The following DISC1 variants were observed in gnomAD, a reference collection of about 807,000 sequenced individuals.
DISC1 encodes the protein disrupted in schizophrenia 1 protein.
DISC1 carries 57 observed loss-of-function variants against 84.5 expected under a neutral mutation model. The observed-to-expected ratio is 0.67, with a 90% CI of 0.55 to 0.84. The LOEUF (loss-of-function observed/expected upper bound fraction) is 0.84. Ranked by LOEUF, DISC1 falls within the 40% of genes least tolerant of loss-of-function variation. The pLI, the probability that DISC1 is intolerant of heterozygous loss-of-function variation, is 0.00. For synonymous variants in DISC1, 411 were observed against 415.2 expected (o/e 0.99, Z 0.12); for missense variants, 1,000 against 1,057.8 (o/e 0.95, Z 0.76).
chr1:231,875,329 G>GAGCCACC (rs988873543), intron 9 of DISC1, among the ~76,000 whole-genome samples: 3 of 151,852 alleles, frequency 2.0e-5, no homozygotes, highest in Non-Finnish European at 4.4e-5. Flanking sequence ...AAGGGGACAT[G>GAGCCACC]AGCCACCAGC....
At chr1:231,654,446 CGTGTGTGTGTGGTATGAAATTTTT>C (rs1401600145) in intron 1 of DISC1, among the ~76,000 whole-genome samples, 10 of 151,786 alleles carry the variant, frequency 6.6e-5, no homozygotes, top group Non-Finnish European at 1.5e-4. Flanking sequence ...CATCATTTCA[CGTGTGTGTGTGGTATGAAATTTTT>C]GTGTGTGTGT....
intron 10 of DISC1, among the ~76,000 whole-genome samples, chr1:231,989,967 C>G (rs925056422): frequency 3.3e-5 from 5 of 152,166 alleles, no homozygotes; most frequent in Non-Finnish European, 4.4e-5. Context: ...GAGGGCATCT[C>G]CCTGTGCTTC....
rs1337618202 is a variant in DISC1, at chr1:231,755,005, C to CA, written c.1268+4931dup. Among the ~76,000 whole-genome samples the CA allele has an allele frequency of 6.6e-5, 10 of 152,266 alleles. No homozygotes were observed. In the South Asian group the frequency reaches 2.1e-3, roughly 32 times the overall value. On this transcript the variant is annotated intron_variant, in intron 4 of 12. Transcript: ENST00000439617. Reference sequence around the variant, plus strand: ...CTCCTCAAATATCTACCAAAGTCAGCAATGACTTTCTATTTGCTAAATTAA... The same window carrying CA: ...CTCCTCAAATATCTACCAAAGTCAGCAAATGACTTTCTATTTGCTAAATTAA...
intron 3 of DISC1, among the ~76,000 whole-genome samples, chr1:231,730,545 A>G (rs921171927): frequency 6.6e-6 from 1 of 152,184 alleles, no homozygotes; most frequent in Non-Finnish European, 1.5e-5. Context: ...TAGTTAGTGA[A>G]CATAGCACCC....
chr1:231,855,426 G>T, intron 9 of DISC1: 2 of 985,204 alleles, frequency 2.0e-6, no homozygotes, highest in Non-Finnish European at 2.4e-6. Context: ...TTCCCCATTT[G>T]ATGCAAGCAG....
At chr1:231,987,336 C>G (rs990365349) in intron 10 of DISC1, among the ~76,000 whole-genome samples, 1 of 152,218 alleles carries the variant, frequency 6.6e-6, no homozygotes, top group Non-Finnish European at 1.5e-5. Context: ...AGTCACATTG[C>G]CTTCATCGTC....
chr1:231,952,063 A>G (rs1293169012), intron 9 of DISC1, among the ~76,000 whole-genome samples: 2 of 144,920 alleles, frequency 1.4e-5, no homozygotes, highest in African/African-American at 5.2e-5. Context: ...AGCCTGGGTG[A>G]CAGAGCAAGA....
intron 1 of DISC1, among the ~76,000 whole-genome samples, chr1:231,684,482 T>G (rs112030621): frequency 6.6e-6 from 1 of 152,106 alleles, no homozygotes. Context: ...TATAATTGCA[T>G]GCATTTTTTC....
At chr1:231,879,855 G>A (rs1471922091) in intron 9 of DISC1, among the ~76,000 whole-genome samples, 2 of 152,174 alleles carry the variant, frequency 1.3e-5, no homozygotes, top group Admixed American at 6.5e-5. Context: ...AATTTGAGGT[G>A]CATTAGCTAT....
chr1:231,822,084 TG>T, intron 9 of DISC1, among the ~76,000 whole-genome samples: 1 of 152,316 alleles, frequency 6.6e-6, no homozygotes, highest in Admixed American at 6.5e-5. Context: ...ATTGGTAATC[TG>T]TATTGTACTT....
At chr1:231,819,149 T>C (rs757934864) in intron 9 of DISC1, 1 of 985,226 alleles carries the variant, frequency 1.0e-6, no homozygotes, top group Non-Finnish European at 1.2e-6. Context: ...CAAATTGAGA[T>C]GGTAAAAACT....
In DISC1 at chr1:231,673,468, T is replaced by C. The variant is rs113883628; in HGVS notation, c.68-20358T>C. Among the ~76,000 whole-genome samples, 596 of 152,244 alleles carry C rather than the reference T, an allele frequency of 3.9e-3. 7 individuals are homozygous for C. The highest frequency in any genetic ancestry group is 0.013 in the African/African-American group (559 of 41,564). On this transcript the variant is annotated intron_variant, in intron 1 of 12. Coordinates refer to ENST00000439617, the MANE Select transcript of DISC1 (RefSeq NM_018662.3). ...TCAGCCTCTTGAGTAGCTGGGACTA[T>C]AGGTAGGCGCCACCACATCTGGCTT...
intron 12 of DISC1, among the ~76,000 whole-genome samples, chr1:232,036,055 C>G (rs1171544680): frequency 6.6e-6 from 1 of 151,890 alleles, no homozygotes; most frequent in African/African-American, 2.4e-5. Context: ...TGGACTCTAT[C>G]AAGTCTTGAG....
chr1:232,010,786 T>TG (rs1369481529), intron 11 of DISC1, among the ~76,000 whole-genome samples: 1 of 152,100 alleles, frequency 6.6e-6, no homozygotes, highest in Admixed American at 6.6e-5. Flanking sequence ...GGCAATAAAC[T>TG]GGGGGGAGCT....
chr1:231,752,958 G>A (rs749584812), intron 4 of DISC1, among the ~76,000 whole-genome samples: 11 of 152,254 alleles, frequency 7.2e-5, no homozygotes, highest in Non-Finnish European at 1.5e-5. Flanking sequence ...GCACACTGGT[G>A]CAAGGAGTGG....
intron 1 of DISC1, among the ~76,000 whole-genome samples, chr1:231,668,424 G>A (rs201289048): frequency 5.9e-5 from 9 of 152,070 alleles, no homozygotes; most frequent in East Asian, 1.9e-4. Flanking sequence ...TTTATAGATC[G>A]CTTGGGAACA....
intron 9 of DISC1, among the ~76,000 whole-genome samples, chr1:231,874,002 C>A (rs1223956855): frequency 1.3e-5 from 2 of 152,016 alleles, no homozygotes; most frequent in Admixed American, 1.3e-4. Flanking sequence ...CATGCACCAC[C>A]ACGCCCAGCT....
At chr1:231,984,031 G>A (rs774310807) in intron 10 of DISC1, among the ~76,000 whole-genome samples, 5 of 152,322 alleles carry the variant, frequency 3.3e-5, no homozygotes, top group South Asian at 2.1e-4. Context: ...ATGCTAGTGC[G>A]GCATGGGGCC....
intron 9 of DISC1, among the ~76,000 whole-genome samples, chr1:231,903,885 T>C (rs1489901505): frequency 6.6e-6 from 1 of 152,246 alleles, no homozygotes; most frequent in Non-Finnish European, 1.5e-5. Context: ...TCACGTGATC[T>C]GACTCGTGTT....
Sources: gnomAD v4.1 joint callset for allele counts (sites outside exome capture counted in the v4.1 genomes callset) on GRCh38, gnomAD v4.1.1 for gene constraint, MANE v1.5 for transcripts, NCBI Gene and HGNC (gene_info 2026-07-23, HGNC 2026-07-21) for gene names.